VDR: variants seen among roughly 807,000 people sequenced by gnomAD.
VDR encodes vitamin D3 receptor.
In VDR, 19 loss-of-function variants were observed where a neutral mutation model predicts 39.7. That is an observed-to-expected ratio of 0.48 (90% CI 0.33 to 0.70). The LOEUF (loss-of-function observed/expected upper bound fraction) is 0.70, where lower values mean the gene tolerates loss of function less well. Among genes scored for constraint, VDR ranks in the 30% least tolerant of loss-of-function variants. VDR has a pLI of 0.02. For synonymous variants in VDR, 242 were observed against 215.8 expected (o/e 1.12, Z -1.07); for missense variants, 442 against 570.5 (o/e 0.77, Z 2.29).
intron 7 of VDR, among the ~76,000 whole-genome samples, chr12:47,852,281 G>A (rs1945402227): frequency 6.6e-6 from 1 of 152,078 alleles, no homozygotes; most frequent in Non-Finnish European, 1.5e-5. Flanking sequence ...GTGTAGACAA[G>A]GACTGCTGCC....
intron 2 of VDR, among the ~76,000 whole-genome samples, chr12:47,882,088 G>A (rs11574043): frequency 1.1e-3 from 164 of 152,328 alleles, no homozygotes; most frequent in Non-Finnish European, 1.9e-3. Flanking sequence ...TGATGCAAGC[G>A]AGTGGAACAA....
At chr12:47,855,944 C>T in intron 6 of VDR, 143 bp from the exon 7 acceptor site, 1 of 910,670 alleles carries the variant, frequency 1.1e-6, no homozygotes, top group Non-Finnish European at 1.8e-6. Context: ...CACCCTTCAG[C>T]CCCAGGCTTC....
intron 1 of VDR, among the ~76,000 whole-genome samples, chr12:47,896,045 C>T (rs544079077): frequency 6.6e-6 from 1 of 152,354 alleles, no homozygotes; most frequent in African/African-American, 2.4e-5. Flanking sequence ...CCTGAATTCT[C>T]CCTACCACTA....
At position 47,857,555 on chromosome 12, in the gene VDR, G is replaced by C. The variant is rs144628070; in HGVS notation, c.411C>G (p.Asp137Glu). The C allele has an allele frequency of 2.5e-6, 4 of 1,614,076 alleles. No individual in the cohort carries two copies. In the African/African-American group the frequency reaches 4.0e-5, roughly 16 times the overall value. ...TGGGGTCGTAGGTCTTATGGTGGGC[G>C]TCCAGCAGTATGGCAATGATGCGCT... Reference protein sequence around the residue: ...EQQRIIAILLDAHHKTYDPTY... With the variant: ...EQQRIIAILLEAHHKTYDPTY... Residue 137 changes from aspartate to glutamate, a missense_variant, in exon 5 of 10, where the codon GAC (aspartate) becomes GAG (glutamate). Physicochemically the swap from Asp to Glu is conservative, Grantham distance 45. This residue lies in a region of VDR where 46 missense variants were observed against 82.0 expected (regional missense o/e 0.56). Coordinates refer to ENST00000549336, the MANE Select transcript of VDR (RefSeq NM_000376.3).
At chr12:47,857,784 G>T in intron 4 of VDR, 96 bp from the exon 5 acceptor site, 2 of 1,383,102 alleles carry the variant, frequency 1.4e-6, no homozygotes, top group Non-Finnish European at 2.0e-6. Context: ...GATAGGAGGG[G>T]CTTTAACACT....
chr12:47,892,232 GCAC>G (rs1565635584), intron 1 of VDR, among the ~76,000 whole-genome samples: 46 of 152,170 alleles, frequency 3.0e-4, no homozygotes, highest in African/African-American at 9.4e-4. Flanking sequence ...CCGGTCCCAT[GCAC>G]GGCTGATTTG....
intron 7 of VDR, among the ~76,000 whole-genome samples, chr12:47,855,071 T>G (rs1489797163): frequency 6.6e-6 from 1 of 152,110 alleles, no homozygotes; most frequent in South Asian, 2.1e-4. Context: ...GGCTCATGCC[T>G]GTAATCCCAG....
In VDR at chr12:47,854,864, G is replaced by C. The variant is rs181993001; in HGVS notation, c.755+766C>G. Among the ~76,000 whole-genome samples the C allele has an allele frequency of 3.8e-3, 576 of 152,376 alleles. 3 individuals carry two copies. The highest frequency in any genetic ancestry group is 0.013 in the African/African-American group (535 of 41,590). ...GGCCTACGCCAGAGATTCTGATTTC[G>C]CAGGTCTAGGGTAGGGTCTGAATCT... On this transcript the variant is annotated intron_variant, in intron 7 of 9. Transcript: ENST00000549336.
Position 47,867,025 on chromosome 12 carries a change from A to AAAAC in VDR, c.147-1849_147-1848insGTTT, listed in dbSNP as rs1565619695. Among the ~76,000 whole-genome samples the AAAAC allele has an allele frequency of 1.1e-4, 16 of 151,728 alleles. No homozygotes were observed. In the Middle Eastern group the frequency reaches 0.01, roughly 97 times the overall value. On this transcript the variant is annotated intron_variant, in intron 3 of 9. Transcript: ENST00000549336. ...AACAAAACAAAACAAAACAAAAAAA[A>AAAAC]CCCAGAAAACTACTGAAGTGTTCTT...
chr12:47,876,712 C>G (rs867705979), intron 3 of VDR, among the ~76,000 whole-genome samples: 2 of 152,378 alleles, frequency 1.3e-5, no homozygotes, highest in South Asian at 4.1e-4. Flanking sequence ...CTTTCACACT[C>G]AGCCTGGGGC....
chr12:47,883,522 T>G (rs964266814), intron 1 of VDR, among the ~76,000 whole-genome samples: 4 of 152,198 alleles, frequency 2.6e-5, no homozygotes, highest in African/African-American at 9.7e-5. Context: ...AGCAGCTGGC[T>G]GGGGGGCCAG....
At chr12:47,870,780 A>G (rs1945837036) in intron 3 of VDR, among the ~76,000 whole-genome samples, 1 of 152,216 alleles carries the variant, frequency 6.6e-6, no homozygotes, top group Non-Finnish European at 1.5e-5. Context: ...TCTGCTCAGG[A>G]TACAGGAACT....
At chr12:47,901,801 G>A (rs533413990) in intron 1 of VDR, among the ~76,000 whole-genome samples, 1 of 152,320 alleles carries the variant, frequency 6.6e-6, no homozygotes, top group East Asian at 1.9e-4. Context: ...AGCTGAAGAG[G>A]AGTTGGCAGA....
At chr12:47,846,031 A>G (rs11574109) in intron 9 of VDR, among the ~76,000 whole-genome samples, 317 of 152,370 alleles carry the variant, frequency 2.1e-3, no homozygotes, top group African/African-American at 7.3e-3. Flanking sequence ...ACGCAAGAGC[A>G]GAGCCTGAGT....
chr12:47,866,825 A>G (rs1171581245), intron 3 of VDR, among the ~76,000 whole-genome samples: 1 of 151,630 alleles, frequency 6.6e-6, no homozygotes, highest in East Asian at 1.9e-4. Context: ...CTCCGTCTCT[A>G]CTAAAAATAC....
intron 3 of VDR, among the ~76,000 whole-genome samples, chr12:47,869,001 G>A (rs1592122803): frequency 1.3e-5 from 2 of 152,250 alleles, no homozygotes; most frequent in African/African-American, 4.8e-5. Flanking sequence ...GAGGCCCCAG[G>A]GCCTATCAGA....
At chr12:47,862,263 C>G (rs2239180) in intron 4 of VDR, among the ~76,000 whole-genome samples, 18,921 of 152,186 alleles carry the variant, frequency 0.12, 1,223 homozygotes, top group East Asian at 0.22. Flanking sequence ...GGACCAAGCT[C>G]TCTTCAATCC....
chr12:47,884,190 A>G (rs1420924833), intron 1 of VDR, among the ~76,000 whole-genome samples: 1 of 152,108 alleles, frequency 6.6e-6, no homozygotes. Context: ...CCTATCCTCA[A>G]TCCCTGTGGT....
intron 6 of VDR, among the ~76,000 whole-genome samples, chr12:47,856,125 C>A (rs1000932861): frequency 6.6e-6 from 1 of 152,202 alleles, no homozygotes; most frequent in African/African-American, 2.4e-5. Flanking sequence ...TTCAACCTTG[C>A]TAATGGTCAA....
Sources: allele counts gnomAD v4.1 joint callset (sites outside exome capture counted in the v4.1 genomes callset), GRCh38; gene constraint gnomAD v4.1.1; regional missense constraint gnomAD v4.1.1; transcripts MANE v1.5; gene names NCBI Gene and HGNC (gene_info 2026-07-23, HGNC 2026-07-21).